DAB1: variants seen among roughly 807,000 people sequenced by gnomAD.
The protein encoded by DAB1 is DAB adaptor protein 1.
In DAB1, 15 loss-of-function variants were observed where a neutral mutation model predicts 64.6. The observed-to-expected ratio is 0.23, with a 90% CI of 0.16 to 0.36. The LOEUF is 0.36. DAB1 is among the 10% of genes least tolerant of loss of function. The probability of loss-of-function intolerance (pLI) is 1.00; values close to 1 mark genes in which losing one functional copy is unlikely to be tolerated. For synonymous variants in DAB1, 235 were observed against 251.9 expected (o/e 0.93, Z 0.64); for missense variants, 596 against 706.7 (o/e 0.84, Z 1.78).
At chr1:57,340,755 T>A (rs1265800818) in intron 1 of DAB1, among the ~76,000 whole-genome samples, 1 of 152,204 alleles carries the variant, frequency 6.6e-6, no homozygotes, top group African/African-American at 2.4e-5. Flanking sequence ...GTGTGTACTC[T>A]GAGGAAGCCG....
intron 5 of DAB1, among the ~76,000 whole-genome samples, chr1:57,897,384 G>C (rs1298941143): frequency 2.0e-5 from 3 of 152,100 alleles, no homozygotes; most frequent in Admixed American, 6.6e-5. Context: ...ATTCTTAATT[G>C]TGTGGGAATC....
At chr1:57,263,204 C>T (rs192970086) in intron 2 of DAB1, among the ~76,000 whole-genome samples, 1 of 152,050 alleles carries the variant, frequency 6.6e-6, no homozygotes, top group Non-Finnish European at 1.5e-5. Context: ...CATCCTCTGC[C>T]TCCTGGGTTC....
At chr1:57,112,316 C>A (rs1181876579) in intron 4 of DAB1, among the ~76,000 whole-genome samples, 1 of 152,140 alleles carries the variant, frequency 6.6e-6, no homozygotes, top group African/African-American at 2.4e-5. Context: ...CCAGGCTAGG[C>A]CTTCCTGAGT....
intron 4 of DAB1, among the ~76,000 whole-genome samples, chr1:58,321,842 T>TG (rs2100485601): frequency 6.6e-6 from 1 of 152,352 alleles, no homozygotes; most frequent in East Asian, 1.9e-4. Context: ...AGGGCATAGC[T>TG]GAACAAAAGG....
At chr1:58,483,915 G>A (rs1001714532) in intron 3 of DAB1, among the ~76,000 whole-genome samples, 8 of 152,176 alleles carry the variant, frequency 5.3e-5, no homozygotes, top group Non-Finnish European at 4.4e-5. Context: ...CTATGTTTAA[G>A]CACTGCACTG....
intron 6 of DAB1, among the ~76,000 whole-genome samples, chr1:57,722,410 T>C (rs1489290078): frequency 1.3e-5 from 2 of 152,212 alleles, no homozygotes; most frequent in East Asian, 1.9e-4. Context: ...ATACTTGGCG[T>C]ATACACTACC....
rs1553173953 is a variant in DAB1 at position 58,300,646 on chromosome 1, G to GAAAGGAAGGA, written n.309+42705_309+42706insTCCTTCCTTT. On this transcript the variant is annotated intron_variant and non_coding_transcript_variant, in intron 4 of 20. Coordinates refer to the DAB1 transcript ENST00000485760. ...AGAGAGAGAGAGAGAGAGAGAGAGA[G>GAAAGGAAGGA]AGGAAGGAAGGAAGGAAGGAAGGAA... Among the ~76,000 whole-genome samples the GAAAGGAAGGA allele has an allele frequency of 1.3e-3, 77 of 57,302 alleles. 2 individuals are homozygous for GAAAGGAAGGA. The highest frequency in any genetic ancestry group is 1.5e-3 in the South Asian group (2 of 1,316). The allele number at this position is 57,302 out of a possible 152,430, so 37.6% of individuals were successfully genotyped here.
At chr1:57,591,835 T>C (rs1220982412) in intron 7 of DAB1, among the ~76,000 whole-genome samples, 3 of 152,220 alleles carry the variant, frequency 2.0e-5, no homozygotes, top group Non-Finnish European at 4.4e-5. Flanking sequence ...GGAAACCGTC[T>C]AGAGCAAAAC....
At chr1:58,404,130 C>G (rs1024848819) in intron 3 of DAB1, among the ~76,000 whole-genome samples, 9 of 152,142 alleles carry the variant, frequency 5.9e-5, no homozygotes, top group African/African-American at 2.2e-4. Context: ...ACAGTGCAGC[C>G]ATCCAGGGGA....
At chr1:57,417,850 C>T (rs1408040186) in intron 1 of DAB1, among the ~76,000 whole-genome samples, 1 of 152,174 alleles carries the variant, frequency 6.6e-6, no homozygotes, top group Non-Finnish European at 1.5e-5. Flanking sequence ...AACCATCCTT[C>T]ATGCTTGCAT....
At chr1:57,071,878 C>T (rs45544638) in intron 5 of DAB1, among the ~76,000 whole-genome samples, 91 of 152,126 alleles carry the variant, frequency 6.0e-4, no homozygotes, top group African/African-American at 1.9e-3. Context: ...AAAGGCATTG[C>T]TTTTATTTAT....
At chr1:57,274,343 C>T (rs1029102749) in intron 2 of DAB1, among the ~76,000 whole-genome samples, 4 of 152,300 alleles carry the variant, frequency 2.6e-5, no homozygotes, top group Admixed American at 6.5e-5. Context: ...GAGGCTGATG[C>T]TTCACCACTT....
chr1:57,748,926 T>C (rs1648418702), intron 6 of DAB1, among the ~76,000 whole-genome samples: 1 of 152,224 alleles, frequency 6.6e-6, no homozygotes, highest in South Asian at 2.1e-4. Flanking sequence ...CATGTGAAAT[T>C]GTGCATGAAT....
chr1:57,857,639 G>A (rs1189106490), intron 1 of DAB1, among the ~76,000 whole-genome samples: 1 of 152,096 alleles, frequency 6.6e-6, no homozygotes, highest in Admixed American at 6.5e-5. Flanking sequence ...AAGTTGCCAC[G>A]AGTGGAAAAT....
chr1:56,997,282 T>C lies in DAB1; in HGVS notation c.*862A>G, dbSNP rs1425098217. On this transcript the variant is annotated 3_prime_UTR_variant, in exon 15 of 15. Coordinates refer to ENST00000371236, the MANE Select transcript of DAB1 (RefSeq NM_001365792.1). ...AGAGCTTCTTAAGAAATCAGATGCA[T>C]TTTTCATCTTTCTCATCAATGGGAT... 6.6e-6 allele frequency: 1 copy of C among 152,194 alleles called. No homozygotes were observed. The highest frequency in any genetic ancestry group is 2.4e-5 in the African/African-American group (1 of 41,442). The allele number at this position is 152,194 out of a possible 1,614,324, so 9.4% of individuals were successfully genotyped here.
intron 4 of DAB1, among the ~76,000 whole-genome samples, chr1:58,186,524 T>G (rs1657086737): frequency 6.6e-6 from 1 of 152,176 alleles, no homozygotes; most frequent in Admixed American, 6.5e-5. Flanking sequence ...TCAATAACTT[T>G]TTTTTCTTTT....
At chr1:57,902,055 G>A (rs911464390) in intron 5 of DAB1, among the ~76,000 whole-genome samples, 14 of 151,958 alleles carry the variant, frequency 9.2e-5, no homozygotes, top group South Asian at 2.1e-4. Flanking sequence ...TATTTGGGAG[G>A]CTGGGGTGGG....
At chr1:57,282,206 A>AAAC (rs1671969454) in intron 2 of DAB1, among the ~76,000 whole-genome samples, 1 of 135,654 alleles carries the variant, frequency 7.4e-6, no homozygotes, top group Admixed American at 7.4e-5. Context: ...AAAAAAAAAA[A>AAAC]AAAAAACAGG....
At chr1:57,966,087 T>C (rs1486066894) in intron 5 of DAB1, among the ~76,000 whole-genome samples, 2 of 152,174 alleles carry the variant, frequency 1.3e-5, no homozygotes, top group Non-Finnish European at 2.9e-5. Flanking sequence ...ATAATAGCAG[T>C]GCATACAAAA....
Sources: gnomAD v4.1 joint callset for allele counts (sites outside exome capture counted in the v4.1 genomes callset) on GRCh38, gnomAD v4.1.1 for gene constraint, MANE v1.5 for transcripts, NCBI Gene and HGNC (gene_info 2026-07-23, HGNC 2026-07-21) for gene names.